The following CNKSR3 variants were observed in gnomAD, a reference collection of about 807,000 sequenced individuals.
CNKSR3 encodes CNKSR family member 3.
A neutral mutation model predicts 67.7 loss-of-function variants in CNKSR3; 36 were observed. The observed-to-expected ratio is 0.53, with a 90% CI of 0.41 to 0.70. The LOEUF is 0.70. Among genes scored for constraint, CNKSR3 ranks in the 30% least tolerant of loss-of-function variants. The pLI, the probability that CNKSR3 is intolerant of heterozygous loss-of-function variation, is 0.00. For missense variants in CNKSR3, 630 were observed against 695.2 expected, an observed-to-expected ratio of 0.91 and a Z score of 1.05; for synonymous variants, 281 against 271.4, an observed-to-expected ratio of 1.04 and a Z score of -0.35.
At chr6:154,472,110 T>A (rs1158018834) in intron 1 of CNKSR3, among the ~76,000 whole-genome samples, 1 of 152,180 alleles carries the variant, frequency 6.6e-6, no homozygotes, top group East Asian at 1.9e-4. Flanking sequence ...GACAGCGCTA[T>A]CCATAATGTG....
intron 1 of CNKSR3, among the ~76,000 whole-genome samples, chr6:154,480,630 T>A (rs1404778932): frequency 2.0e-5 from 3 of 152,212 alleles, no homozygotes; most frequent in Non-Finnish European, 4.4e-5. Flanking sequence ...TTAACCATCA[T>A]GTGAGCGTGT....
At chr6:154,431,629 A>C (rs2128715752) in intron 5 of CNKSR3, among the ~76,000 whole-genome samples, 1 of 152,078 alleles carries the variant, frequency 6.6e-6, no homozygotes, top group East Asian at 1.9e-4. Flanking sequence ...CAGTGTCCTA[A>C]ATATCCCCTG....
chr6:154,479,329 G>A (rs76814152), intron 1 of CNKSR3, among the ~76,000 whole-genome samples: 2,750 of 152,174 alleles, frequency 0.018, 97 homozygotes, highest in African/African-American at 0.063. Flanking sequence ...CTCCCATGTC[G>A]GTGGAAGGGA....
intron 7 of CNKSR3, among the ~76,000 whole-genome samples, chr6:154,425,370 C>T (rs1785235083): frequency 6.6e-6 from 1 of 152,184 alleles, no homozygotes; most frequent in South Asian, 2.1e-4. Context: ...CTCAAATGTC[C>T]AATCAAGTGA....
intron 1 of CNKSR3, among the ~76,000 whole-genome samples, chr6:154,488,962 C>T (rs537548674): frequency 6.6e-6 from 1 of 152,186 alleles, no homozygotes; most frequent in African/African-American, 2.4e-5. Flanking sequence ...ATGCGACAAC[C>T]TCAACCACAT....
intron 1 of CNKSR3, among the ~76,000 whole-genome samples, chr6:154,470,903 T>C (rs117458369): frequency 0.012 from 1,884 of 152,328 alleles, 15 homozygotes; most frequent in Non-Finnish European, 0.02. Context: ...CTGCCAGCAA[T>C]TTATGAAGAT....
intron 3 of CNKSR3, 81 bp from the exon 4 acceptor site, chr6:154,441,460 C>G: frequency 1.0e-6 from 1 of 963,378 alleles, no homozygotes; most frequent in Non-Finnish European, 1.7e-6. Context: ...AGCATAGCTA[C>G]CCCATGGGCT....
chr6:154,470,506 C>G (rs1786305950), intron 1 of CNKSR3, among the ~76,000 whole-genome samples: 1 of 152,098 alleles, frequency 6.6e-6, no homozygotes, highest in African/African-American at 2.4e-5. Flanking sequence ...TTTGCCTGTT[C>G]TGAATATTTC....
intron 3 of CNKSR3, among the ~76,000 whole-genome samples, chr6:154,441,698 A>G (rs2128717620): frequency 6.6e-6 from 1 of 152,236 alleles, no homozygotes; most frequent in African/African-American, 2.4e-5. Flanking sequence ...CTCAAGTGAC[A>G]CATAAAATAG....
intron 1 of CNKSR3, among the ~76,000 whole-genome samples, chr6:154,464,424 A>T (rs7349928): frequency 0.51 from 78,235 of 152,136 alleles, 21,836 homozygotes; most frequent in African/African-American, 0.75. Context: ...TTAAAGAAAG[A>T]CAAAGGCCTG....
chr6:154,446,836 ACT>A (rs1323762416), intron 2 of CNKSR3, among the ~76,000 whole-genome samples: 1 of 133,066 alleles, frequency 7.5e-6, no homozygotes, highest in East Asian at 2.2e-4. Flanking sequence ...ATGGTGTCTC[ACT>A]CTGTCGCCCA....
intron 9 of CNKSR3, among the ~76,000 whole-genome samples, chr6:154,418,104 G>T (rs987313407): frequency 3.3e-5 from 5 of 152,194 alleles, no homozygotes; most frequent in African/African-American, 1.2e-4. Flanking sequence ...AATGTCAGCT[G>T]CTAAAGCACA....
chr6:154,502,715 A>C (rs534447865), intron 1 of CNKSR3, among the ~76,000 whole-genome samples: 26 of 152,360 alleles, frequency 1.7e-4, no homozygotes, highest in Non-Finnish European at 2.9e-4. Context: ...CAGAAGAGTC[A>C]AATGAGAACA....
At chr6:154,417,379 C>CACTA (rs1250498926) in intron 9 of CNKSR3, among the ~76,000 whole-genome samples, 13 of 152,186 alleles carry the variant, frequency 8.5e-5, no homozygotes, top group African/African-American at 2.9e-4. Context: ...CATTCATAAC[C>CACTA]ACTAGGCTGT....
intron 1 of CNKSR3, among the ~76,000 whole-genome samples, chr6:154,504,135 C>A (rs939018105): frequency 1.3e-5 from 2 of 152,228 alleles, no homozygotes; most frequent in Non-Finnish European, 2.9e-5. Context: ...CTATGCCATG[C>A]TCACTGCAAG....
chr6:154,418,968 A>C (rs1448941414), intron 9 of CNKSR3, among the ~76,000 whole-genome samples: 3 of 151,216 alleles, frequency 2.0e-5, no homozygotes, highest in African/African-American at 7.3e-5. Context: ...AAAAAAAAAA[A>C]ACAAAACACA....
chr6:154,432,278 T>C (rs1785386121), intron 5 of CNKSR3, among the ~76,000 whole-genome samples: 2 of 152,258 alleles, frequency 1.3e-5, no homozygotes. Context: ...CATCTCTTCA[T>C]AGGCTTATTT....
intron 1 of CNKSR3, among the ~76,000 whole-genome samples, chr6:154,492,103 C>G (rs966284002): frequency 2.0e-5 from 3 of 152,188 alleles, no homozygotes; most frequent in Admixed American, 6.5e-5. Context: ...ATAGTCAATT[C>G]TCAGTCATCC....
chr6:154,435,054 G>GTGAT (rs1223918417), intron 4 of CNKSR3, among the ~76,000 whole-genome samples: 1 of 146,854 alleles, frequency 6.8e-6, no homozygotes, highest in Non-Finnish European at 1.5e-5. Flanking sequence ...GAATGCAATG[G>GTGAT]TGCAATCTCA....
Sources: allele counts gnomAD v4.1 joint callset (sites outside exome capture counted in the v4.1 genomes callset), GRCh38; gene constraint gnomAD v4.1.1; transcripts MANE v1.5; gene names NCBI Gene and HGNC (gene_info 2026-07-23, HGNC 2026-07-21).